The following NEB variants were observed in gnomAD, a reference collection of about 807,000 sequenced individuals.
NEB encodes the protein nemaline myopathy type 2.
A neutral mutation model predicts 952.2 loss-of-function variants in NEB; 512 were observed. The ratio of observed to expected loss-of-function variants is 0.54; its 90% CI spans 0.50 to 0.58. The LOEUF (loss-of-function observed/expected upper bound fraction) is 0.58. Among genes scored for constraint, NEB ranks in the 20% least tolerant of loss-of-function variants. The pLI, the probability that NEB is intolerant of heterozygous loss-of-function variation, is 0.00. For synonymous variants in NEB, 2,900 were observed against 3,149.8 expected (o/e 0.92, Z 2.66); for missense variants, 8,428 against 9,231.1 (o/e 0.91, Z 3.56).
Position 151,694,432 on chromosome 2 carries a change from A to G in NEB, c.1787T>C (p.Met596Thr). The G allele has an allele frequency of 6.2e-7, 1 of 1,613,608 alleles. No homozygotes were observed. Among genetic ancestry groups the G allele is most frequent in the South Asian group, 1.1e-5 (1 of 91,060 alleles). ...GTTTTTTTCATAGTCTTTCTTGTAC[A>G]TCACCTGCAAAGACATCACACATGC... ...KANTKNTSDV[M>T]YKKDYEKNKG... Residue 596 changes from methionine (M) to threonine (T), a missense_variant, in exon 20 of 182, where the codon ATG (methionine) becomes ACG (threonine). Physicochemically the swap from Met to Thr is moderately conservative, Grantham distance 81 (BLOSUM62 -1). Around this residue, in one of 11 missense-constraint regions of NEB, gnomAD observed 2,851 missense variants for 2,791.5 expected, o/e 1.02. Transcript: ENST00000397345.
intron 18 of NEB, 33 bp downstream of exon 18, chr2:151,695,545 T>C: frequency 6.7e-6 from 10 of 1,488,188 alleles, no homozygotes; most frequent in Non-Finnish European, 9.4e-6. Flanking sequence ...AGGTTGTCAG[T>C]ACATCACATG....
chr2:151,490,115 A>T, intron 180 of NEB, 38 bp from the exon 181 acceptor site: 4 of 1,466,966 alleles, frequency 2.7e-6, no homozygotes, highest in Non-Finnish European at 3.8e-6. Context: ...AAGAAGAAAA[A>T]TGGCTAGGTA....
At position 151,677,726 on chromosome 2, in the gene NEB, A is replaced by G. The variant is rs2099382027; in HGVS notation, c.3613T>C (p.Trp1205Arg). ...ACGTCGAGACTGCCAATAGGAATCCAGCCAATGCCTTTCATCCAGTTGTTG... is the reference window on the plus strand; with the variant it reads ...ACGTCGAGACTGCCAATAGGAATCCGGCCAATGCCTTTCATCCAGTTGTTG... The part of the protein sequence containing the change: ...DYNNWMKGIG[W>R]IPIGSLDVEK... Residue 1205 changes from tryptophan (W) to arginine (R), a missense_variant, in exon 34 of 182, where the codon TGG (tryptophan) becomes CGG (arginine). Trp to Arg is a moderately radical substitution (Grantham distance 101). Transcript: ENST00000397345. 1 of 1,614,026 alleles carries G rather than the reference A, an allele frequency of 6.2e-7. No homozygotes were observed.
At chr2:151,631,989 G>A (rs1297939033) in intron 65 of NEB, among the ~76,000 whole-genome samples, 2 of 152,118 alleles carry the variant, frequency 1.3e-5, no homozygotes, top group Non-Finnish European at 2.9e-5. Flanking sequence ...GAAGCCCTGA[G>A]ATCTTCAACA....
At chr2:151,657,196 T>C (rs1268538696) in intron 48 of NEB, among the ~76,000 whole-genome samples, 1 of 152,092 alleles carries the variant, frequency 6.6e-6, no homozygotes, top group Non-Finnish European at 1.5e-5. Context: ...AATTTGGAGT[T>C]CTCAGGATAA....
chr2:151,612,262 T>C lies in NEB; in HGVS notation c.11729A>G (p.Asp3910Gly), dbSNP rs35740585. Residue 3910 changes from aspartate (D) to glycine (G), a missense_variant, in exon 78 of 182, where the codon GAC becomes GGC. Transcript: ENST00000397345. ...GGTAATGCATGTGAATTTGAGCTGG[T>C]CTGCAGGCTGGCGATACTTCCTGTC... ...LSDRKYRQPA[D>G]QLKFTCITDT... The C allele has an allele frequency of 0.019, 30,721 of 1,613,868 alleles. 360 individuals carry two copies. The highest frequency in any genetic ancestry group is 0.023 in the Non-Finnish European group (26,622 of 1,179,812).
intron 142 of NEB, 86 bp from the exon 143 acceptor site, chr2:151,533,632 G>A: frequency 1.2e-6 from 1 of 827,172 alleles, no homozygotes; most frequent in African/African-American, 1.7e-5. Context: ...ACCTCTGAGT[G>A]AAGAGATGTA....
intron 129 of NEB, 30 bp downstream of exon 129, chr2:151,551,708 G>T: frequency 1.3e-6 from 2 of 1,543,586 alleles, no homozygotes; most frequent in Non-Finnish European, 1.8e-6. Flanking sequence ...ACGGATTTCT[G>T]CTGGGCACTC....
intron 71 of NEB, among the ~76,000 whole-genome samples, chr2:151,621,236 C>T (rs1426177400): frequency 6.6e-6 from 1 of 152,136 alleles, no homozygotes; most frequent in African/African-American, 2.4e-5. Flanking sequence ...AACATCACAA[C>T]CTCTCTTTGC....
rs1255641685 is a variant in NEB, at chr2:151,614,362, A to G, written c.11515T>C (p.Tyr3839His). 1.9e-6 allele frequency: 3 copies of G among 1,613,766 alleles called. No individual in the cohort carries two copies. The highest frequency in any genetic ancestry group is 3.3e-5 in the Admixed American group (2 of 59,992). The part of the protein sequence containing the change: ...KCQILVSDID[Y>H]KHPLHEWTCL... ...GTCCATTCATGCAGGGGATGCTTGT[A>G]GTCTATGTCGCTTACAAGGATCTGA... The change falls in exon 77 of 182, where the codon TAC (tyrosine) becomes CAC (histidine). Residue 3839 changes from tyrosine (Y) to histidine (H), a missense_variant. Around this residue, in one of 11 missense-constraint regions of NEB, gnomAD observed 1,772 missense variants for 1,960.3 expected, o/e 0.90. Coordinates refer to ENST00000397345, the MANE Select transcript of NEB (RefSeq NM_001164508.2).
At chr2:151,719,605 C>G (rs2099768593) in intron 9 of NEB, among the ~76,000 whole-genome samples, 3 of 152,178 alleles carry the variant, frequency 2.0e-5, no homozygotes. Context: ...ATAAGTTAAG[C>G]AAGGCACAGT....
intron 124 of NEB, among the ~76,000 whole-genome samples, chr2:151,560,211 G>C (rs1316734191): frequency 2.6e-5 from 4 of 152,108 alleles, no homozygotes; most frequent in African/African-American, 7.2e-5. Context: ...ATAATAACCG[G>C]TTATCATATT....
In NEB at chr2:151,493,798, G is replaced by C. The variant is rs542275170; in HGVS notation, c.24649C>G (p.Arg8217Gly). 1 of 1,583,246 alleles carries C rather than the reference G, an allele frequency of 6.3e-7. No homozygotes were observed. Among genetic ancestry groups the C allele is most frequent in the East Asian group, 2.3e-5 (1 of 44,084 alleles). ...PFTPEMERVK[R>G]NQENFSSVLY... is the part of the protein sequence containing the mutation. Reference sequence around the variant, plus strand: ...ACCGAGCTAAAGTTTTCTTGATTGCGTTTCACTCTTTCCATCTCAGGAGTA... The same window carrying C: ...ACCGAGCTAAAGTTTTCTTGATTGCCTTTCACTCTTTCCATCTCAGGAGTA... The change falls in exon 175 of 182, where the codon CGC (arginine) becomes GGC (glycine). Residue 8217 changes from arginine to glycine, a missense_variant. Arg to Gly is a moderately radical substitution (Grantham distance 125, BLOSUM62 -2). Around this residue, in one of 11 missense-constraint regions of NEB, gnomAD observed 3,374 missense variants for 3,651.5 expected, o/e 0.92. Coordinates refer to ENST00000397345, the MANE Select transcript of NEB (RefSeq NM_001164508.2).
Position 151,489,105 on chromosome 2 carries a change from G to A in NEB, c.25404+866C>T, listed in dbSNP as rs887044702. Among the ~76,000 whole-genome samples, 131 of 152,056 alleles carry A rather than the reference G, an allele frequency of 8.6e-4. 1 individual carries two copies. Among genetic ancestry groups the A allele is most frequent in the Non-Finnish European group, 7.5e-4 (51 of 68,004 alleles). ...GAATTGAATGCATTGGTTTATTTCA[G>A]GGAAAATTAGAACTTTACAGTATTC... On this transcript the variant is annotated intron_variant, in intron 181 of 181. Transcript: ENST00000397345.
At chr2:151,687,874 T>C in intron 25 of NEB, 141 bp from the exon 26 acceptor site, 2 of 805,908 alleles carry the variant, frequency 2.5e-6, no homozygotes, top group Non-Finnish European at 3.9e-6. Flanking sequence ...AGTATAAGTA[T>C]TGATTTATCT....
chr2:151,518,556 G>A lies in NEB; in HGVS notation c.22696-134C>T. The A allele has an allele frequency of 2.7e-5, 18 of 663,626 alleles. No individual in the cohort carries two copies. In the South Asian group the frequency reaches 3.4e-4, roughly 13 times the overall value. The allele number at this position is 663,626 out of a possible 1,614,324, so 41.1% of individuals were successfully genotyped here. A position where few individuals can be genotyped will look rare whatever the true frequency, so the allele number is the denominator to read the frequency against. ...AAAAATGGCAAACACTAAACAGGAG[G>A]TTAAGAAAAAGTTTTAAAAATGAGG... On this transcript the variant is annotated intron_variant, in intron 155 of 181. Transcript: ENST00000397345.
At chr2:151,646,632 T>A (rs1479805895) in intron 54 of NEB, among the ~76,000 whole-genome samples, 1 of 152,192 alleles carries the variant, frequency 6.6e-6, no homozygotes, top group Non-Finnish European at 1.5e-5. Context: ...AAGTTTTATT[T>A]CCTATGTGGC....
At chr2:151,651,318 G>A (rs2099026965) in intron 52 of NEB, among the ~76,000 whole-genome samples, 1 of 152,134 alleles carries the variant, frequency 6.6e-6, no homozygotes, top group African/African-American at 2.4e-5. Context: ...CTGACTTTGG[G>A]GTTGTATTTA....
At position 151,723,753 on chromosome 2, in the gene NEB, T is replaced by G. The variant is rs1450517297; in HGVS notation, c.613-267A>C. ...TGTGACTCTACCTGCCTTCTTTGTTTTTTTTTTTTTTTTTTTTTTTTGGTC... is the reference window on the plus strand; with the variant it reads ...TGTGACTCTACCTGCCTTCTTTGTTGTTTTTTTTTTTTTTTTTTTTTGGTC... On this transcript the variant is annotated intron_variant, in intron 8 of 181. Transcript: ENST00000397345. Among the ~76,000 whole-genome samples the G allele has an allele frequency of 3.0e-3, 432 of 143,838 alleles. 1 individual carries two copies. The highest frequency in any genetic ancestry group is 0.011 in the African/African-American group (392 of 37,186). The allele number at this position is 143,838 out of a possible 152,430, so 94.4% of individuals were successfully genotyped here. A position where few individuals can be genotyped will look rare whatever the true frequency, so the allele number is the denominator to read the frequency against.
Sources: gnomAD v4.1 joint callset for allele counts (sites outside exome capture counted in the v4.1 genomes callset) on GRCh38, gnomAD v4.1.1 for gene constraint, gnomAD v4.1.1 regional missense constraint, MANE v1.5 for transcripts, NCBI Gene and HGNC (gene_info 2026-07-23, HGNC 2026-07-21) for gene names.